AGBL4: variants seen among roughly 807,000 people sequenced by gnomAD.
AGBL4 encodes the protein AGBL carboxypeptidase 4.
Under a neutral mutation model 66.4 loss-of-function variants are expected in AGBL4, and 58 were observed. The observed-to-expected ratio is 0.87, with a 90% CI of 0.71 to 1.09. AGBL4 has a LOEUF of 1.09. AGBL4 is among the 50% of genes least tolerant of loss of function. The probability of loss-of-function intolerance (pLI) is 0.00; values close to 1 mark genes in which losing one functional copy is unlikely to be tolerated. For missense variants in AGBL4, 579 were observed against 631.0 expected (o/e 0.92, Z 0.88); for synonymous variants, 234 against 222.9 (o/e 1.05, Z -0.44).
At chr1:49,315,032 C>G (rs1415710857) in intron 3 of AGBL4, among the ~76,000 whole-genome samples, 1 of 151,838 alleles carries the variant, frequency 6.6e-6, no homozygotes. Flanking sequence ...AGTAACCAAA[C>G]CAGCATGGTA....
At chr1:49,862,898 A>T (rs1482372919) in intron 1 of AGBL4, among the ~76,000 whole-genome samples, 1 of 152,212 alleles carries the variant, frequency 6.6e-6, no homozygotes, top group Non-Finnish European at 1.5e-5. Context: ...AGAAATGCTA[A>T]ATGAAGTAGT....
chr1:49,189,662 C>G (rs1026366273), intron 4 of AGBL4, among the ~76,000 whole-genome samples: 2 of 152,164 alleles, frequency 1.3e-5, no homozygotes, highest in Non-Finnish European at 2.9e-5. Flanking sequence ...AGTTTTCTTA[C>G]CTCACTGGTT....
At chr1:49,918,587 A>G (rs1379235289) in intron 1 of AGBL4, among the ~76,000 whole-genome samples, 4 of 151,408 alleles carry the variant, frequency 2.6e-5, no homozygotes, top group African/African-American at 4.8e-5. Context: ...AATTGAGACA[A>G]TAATTAATAG....
At chr1:48,897,938 T>C (rs978354786) in intron 5 of AGBL4, among the ~76,000 whole-genome samples, 1 of 151,796 alleles carries the variant, frequency 6.6e-6, no homozygotes, top group East Asian at 1.9e-4. Flanking sequence ...GCCTCCCGAC[T>C]AGCTGGGACT....
At chr1:49,151,142 G>A (rs927854338) in intron 4 of AGBL4, among the ~76,000 whole-genome samples, 16 of 151,484 alleles carry the variant, frequency 1.1e-4, no homozygotes, top group Admixed American at 1.3e-4. Context: ...GGCAGTGTAT[G>A]CCTGTAGTCC....
intron 6 of AGBL4, among the ~76,000 whole-genome samples, chr1:48,828,776 C>CT (rs931596897): frequency 6.6e-6 from 1 of 152,162 alleles, no homozygotes; most frequent in African/African-American, 2.4e-5. Context: ...ACTCAACTCC[C>CT]TTTTTTTCCT....
intron 11 of AGBL4, among the ~76,000 whole-genome samples, chr1:48,564,887 T>G (rs531538452): frequency 1.3e-5 from 2 of 152,304 alleles, no homozygotes; most frequent in Admixed American, 6.5e-5. Context: ...GTAACCTGAC[T>G]CTAAGCTTGG....
chr1:49,620,545 C>A (rs541891259), intron 3 of AGBL4, among the ~76,000 whole-genome samples: 2 of 152,032 alleles, frequency 1.3e-5, no homozygotes, highest in East Asian at 3.9e-4. Flanking sequence ...TCAACCACTG[C>A]GGAAGACAAT....
At chr1:48,812,787 A>G (rs1646082704) in intron 6 of AGBL4, among the ~76,000 whole-genome samples, 1 of 152,210 alleles carries the variant, frequency 6.6e-6, no homozygotes, top group Middle Eastern at 3.4e-3. Flanking sequence ...GCCATAAAAA[A>G]TGATGAGTTC....
intron 3 of AGBL4, among the ~76,000 whole-genome samples, chr1:49,657,886 C>T (rs1455563766): frequency 6.6e-6 from 1 of 152,130 alleles, no homozygotes; most frequent in African/African-American, 2.4e-5. Context: ...ACACATTAGA[C>T]CTCAAACCAT....
At chr1:49,391,065 G>C (rs1178505184) in intron 3 of AGBL4, among the ~76,000 whole-genome samples, 1 of 152,120 alleles carries the variant, frequency 6.6e-6, no homozygotes, top group Non-Finnish European at 1.5e-5. Context: ...AGGAAGAAGG[G>C]ACGGCATTCC....
intron 4 of AGBL4, among the ~76,000 whole-genome samples, chr1:49,065,203 G>C (rs2147920043): frequency 6.6e-6 from 1 of 152,158 alleles, no homozygotes; most frequent in South Asian, 2.1e-4. Flanking sequence ...AGCTAGACAG[G>C]GGCTTCAACT....
intron 1 of AGBL4, among the ~76,000 whole-genome samples, chr1:49,943,775 A>T (rs1326692792): frequency 6.6e-6 from 1 of 151,850 alleles, no homozygotes; most frequent in Non-Finnish European, 1.5e-5. Context: ...CCAAATGAGA[A>T]GTCTCCCAGC....
intron 5 of AGBL4, among the ~76,000 whole-genome samples, chr1:48,986,068 G>T (rs569712001): frequency 6.6e-5 from 10 of 152,096 alleles, no homozygotes; most frequent in African/African-American, 2.4e-4. Context: ...AAAGACTAGT[G>T]AATTCGAAGA....
At chr1:48,644,966 T>A (rs561358641) in intron 8 of AGBL4, among the ~76,000 whole-genome samples, 1 of 152,362 alleles carries the variant, frequency 6.6e-6, no homozygotes, top group East Asian at 1.9e-4. Flanking sequence ...CTCAGAGGCC[T>A]GTCTTCACTG....
At chr1:49,462,534 A>T (rs1372914654) in intron 3 of AGBL4, among the ~76,000 whole-genome samples, 1 of 151,746 alleles carries the variant, frequency 6.6e-6, no homozygotes, top group East Asian at 1.9e-4. Context: ...ATTAGGGAGA[A>T]GAGAATTCTC....
intron 1 of AGBL4, among the ~76,000 whole-genome samples, chr1:49,982,417 C>G (rs769947615): frequency 2.0e-5 from 3 of 152,232 alleles, no homozygotes; most frequent in African/African-American, 7.2e-5. Context: ...TGGCCCCCTG[C>G]AGACTTTGGG....
intron 11 of AGBL4, among the ~76,000 whole-genome samples, chr1:48,580,352 C>T (rs1644721132): frequency 6.6e-6 from 1 of 152,228 alleles, no homozygotes; most frequent in Admixed American, 6.5e-5. Context: ...TCCTCTCCCT[C>T]ATCTTGCTCA....
chr1:49,798,204 C>G (rs187730869), intron 2 of AGBL4, among the ~76,000 whole-genome samples: 2 of 152,070 alleles, frequency 1.3e-5, no homozygotes, highest in Admixed American at 1.3e-4. Flanking sequence ...TTTGGTTATA[C>G]TTATGCTATG....
Sources: gnomAD v4.1 joint callset for allele counts (sites outside exome capture counted in the v4.1 genomes callset) on GRCh38, gnomAD v4.1.1 for gene constraint, MANE v1.5 for transcripts, NCBI Gene and HGNC (gene_info 2026-07-23, HGNC 2026-07-21) for gene names.